The following CTNND2 variants were observed in gnomAD, a reference collection of about 807,000 sequenced individuals.
CTNND2 encodes the protein catenin delta 2.
A neutral mutation model predicts 144.4 loss-of-function variants in CTNND2; 22 were observed. The observed-to-expected ratio is 0.15, with a 90% CI of 0.11 to 0.22. The LOEUF (loss-of-function observed/expected upper bound fraction) is 0.22, where lower values mean the gene tolerates loss of function less well. Ranked by LOEUF, CTNND2 falls within the 10% of genes least tolerant of loss-of-function variation. The probability of loss-of-function intolerance (pLI) is 1.00; values close to 1 mark genes in which losing one functional copy is unlikely to be tolerated. For missense variants in CTNND2, 1,353 were observed against 1,618.8 expected (o/e 0.84, Z 2.82); for synonymous variants, 751 against 695.6 (o/e 1.08, Z -1.25).
intron 16 of CTNND2, among the ~76,000 whole-genome samples, chr5:11,051,447 AGCT>A: frequency 6.6e-6 from 1 of 152,378 alleles, no homozygotes; most frequent in African/African-American, 2.4e-5. Context: ...CAAGAGCTTT[AGCT>A]GCATTGTAAG....
Position 11,228,317 on chromosome 5 carries a change from C to A in CTNND2, c.1761+8374G>T, listed in dbSNP as rs149258382. On this transcript the variant is annotated intron_variant, in intron 10 of 21. Coordinates refer to ENST00000304623, the MANE Select transcript of CTNND2 (RefSeq NM_001332.4). ...CCAATATCGTGCCACTGCACTCCAG[C>A]CTAGGCAACAGAGGAGACTCTGTCT... 2.1e-4 allele frequency among the ~76,000 whole-genome samples: 29 copies of A among 138,036 alleles called. 2 individuals are homozygous for A. The East Asian group carries it at 6.2e-3, about 29-fold the overall frequency. 90.6% of individuals were successfully genotyped at this position (138,036 alleles called of 152,430 possible).
intron 11 of CTNND2, among the ~76,000 whole-genome samples, chr5:11,178,774 T>C (rs1453765263): frequency 6.6e-6 from 1 of 152,178 alleles, no homozygotes; most frequent in Non-Finnish European, 1.5e-5. Context: ...CATTGAATCA[T>C]TTTAAGTTGG....
At chr5:11,096,427 T>G (rs754862129) in intron 15 of CTNND2, among the ~76,000 whole-genome samples, 2 of 152,212 alleles carry the variant, frequency 1.3e-5, no homozygotes, top group Non-Finnish European at 2.9e-5. Context: ...TGGTTTTCTG[T>G]TCCTGTTTTA....
intron 11 of CTNND2, among the ~76,000 whole-genome samples, chr5:11,168,690 C>G (rs1759594867): frequency 6.6e-6 from 1 of 152,096 alleles, no homozygotes; most frequent in Non-Finnish European, 1.5e-5. Flanking sequence ...CTGTCATATT[C>G]TTCTATGTGT....
intron 18 of CTNND2, among the ~76,000 whole-genome samples, chr5:11,008,774 G>C (rs1302394779): frequency 6.6e-6 from 1 of 152,200 alleles, no homozygotes; most frequent in South Asian, 2.1e-4. Context: ...GGCTGGTGGT[G>C]AGAACTTCCT....
intron 1 of CTNND2, among the ~76,000 whole-genome samples, chr5:11,817,405 A>G (rs1389818524): frequency 4.3e-5 from 1 of 23,498 alleles, no homozygotes; most frequent in Non-Finnish European, 7.0e-5. Context: ...AGAGAGAGAG[A>G]GGAGGGAGAG....
At chr5:11,728,991 T>C (rs1787179675) in intron 2 of CTNND2, among the ~76,000 whole-genome samples, 1 of 152,100 alleles carries the variant, frequency 6.6e-6, no homozygotes, top group African/African-American at 2.4e-5. Context: ...AATCCCCTAA[T>C]GAAGGATAAG....
chr5:11,544,129 T>C (rs969677291), intron 3 of CTNND2, among the ~76,000 whole-genome samples: 3 of 152,152 alleles, frequency 2.0e-5, no homozygotes, highest in Non-Finnish European at 4.4e-5. Context: ...TAAAGGGGAC[T>C]TTAAAATTAA....
At chr5:11,628,835 C>T (rs1781281718) in intron 2 of CTNND2, among the ~76,000 whole-genome samples, 1 of 151,932 alleles carries the variant, frequency 6.6e-6, no homozygotes, top group African/African-American at 2.4e-5. Flanking sequence ...AACACAATGG[C>T]CATCTTGGAA....
At chr5:11,583,916 G>C (rs998669244) in intron 2 of CTNND2, among the ~76,000 whole-genome samples, 8 of 152,188 alleles carry the variant, frequency 5.3e-5, no homozygotes, top group African/African-American at 1.9e-4. Flanking sequence ...TGATTCTACA[G>C]ACACAGCCTC....
At chr5:11,206,793 T>A (rs1449171882) in intron 10 of CTNND2, among the ~76,000 whole-genome samples, 1 of 152,190 alleles carries the variant, frequency 6.6e-6, no homozygotes, top group East Asian at 1.9e-4. Flanking sequence ...TTTCCCTGAA[T>A]AACTTCATAA....
chr5:11,100,089 T>C (rs993559955), intron 14 of CTNND2, among the ~76,000 whole-genome samples: 4 of 152,228 alleles, frequency 2.6e-5, no homozygotes, highest in African/African-American at 7.2e-5. Flanking sequence ...ACATGCTTAC[T>C]TTTTATCCTT....
chr5:11,567,918 T>C (rs1777251010), intron 2 of CTNND2, among the ~76,000 whole-genome samples: 1 of 152,242 alleles, frequency 6.6e-6, no homozygotes, highest in Non-Finnish European at 1.5e-5. Context: ...TTCCTATAAT[T>C]GTCTTCAGCT....
At chr5:11,293,835 A>C (rs1045416343) in intron 9 of CTNND2, among the ~76,000 whole-genome samples, 1 of 146,926 alleles carries the variant, frequency 6.8e-6, no homozygotes, top group Non-Finnish European at 1.5e-5. Context: ...TTAATGCTTA[A>C]ATATATATGT....
Position 11,881,230 on chromosome 5 carries a change from T to C in CTNND2, c.37+22587A>G, listed in dbSNP as rs187516921. On this transcript the variant is annotated intron_variant, in intron 1 of 21. Transcript: ENST00000304623. ...GTGCTATTTCAATACATGTATACAA[T>C]GTGTAGTGATCAAATTAGAGTAACT... Among the ~76,000 whole-genome samples the C allele has an allele frequency of 3.3e-5, 5 of 152,140 alleles. No homozygotes were observed. The East Asian group carries it at 9.6e-4, about 29-fold the overall frequency.
intron 9 of CTNND2, among the ~76,000 whole-genome samples, chr5:11,294,689 A>C (rs1748714203): frequency 6.6e-6 from 1 of 152,208 alleles, no homozygotes; most frequent in Non-Finnish European, 1.5e-5. Context: ...TACGCAAATC[A>C]ATAAACGTAA....
Position 11,055,929 on chromosome 5 carries a change from A to C in CTNND2, c.2788+26767T>G, listed in dbSNP as rs116377031. ...GGACACAGAAAGCCAACCTGCAATA[A>C]AGTTGGGCTTGAGCTGATTTCCTGG... On this transcript the variant is annotated intron_variant, in intron 16 of 21. Transcript: ENST00000304623. 5.4e-3 allele frequency among the ~76,000 whole-genome samples: 822 copies of C among 152,246 alleles called. 9 individuals are homozygous for C. The highest frequency in any genetic ancestry group is 0.018 in the African/African-American group (767 of 41,532).
At chr5:11,238,716 T>C (rs1325283546) in intron 9 of CTNND2, among the ~76,000 whole-genome samples, 1 of 152,090 alleles carries the variant, frequency 6.6e-6, no homozygotes, top group Non-Finnish European at 1.5e-5. Context: ...ATACACATTA[T>C]ATATATACAC....
intron 3 of CTNND2, among the ~76,000 whole-genome samples, chr5:11,415,576 A>C (rs2149843134): frequency 6.6e-6 from 1 of 152,288 alleles, no homozygotes; most frequent in African/African-American, 2.4e-5. Flanking sequence ...ACTGTCCCTC[A>C]TGCACCCCAG....
Sources: gnomAD v4.1 joint callset for allele counts (sites outside exome capture counted in the v4.1 genomes callset) on GRCh38, gnomAD v4.1.1 for gene constraint, MANE v1.5 for transcripts, NCBI Gene and HGNC (gene_info 2026-07-23, HGNC 2026-07-21) for gene names.